HTR7: variants seen among roughly 807,000 people sequenced by gnomAD.
The protein encoded by HTR7 is 5-HT-7.
Under a neutral mutation model 34.0 loss-of-function variants are expected in HTR7, and 16 were observed. The ratio of observed to expected loss-of-function variants is 0.47; its 90% confidence interval spans 0.32 to 0.71. The LOEUF (loss-of-function observed/expected upper bound fraction) is 0.71, where lower values mean the gene tolerates loss of function less well. Among genes scored for constraint, HTR7 ranks in the 30% least tolerant of loss-of-function variants. The pLI is 0.04. For missense variants in HTR7, 504 were observed against 625.5 expected, an observed-to-expected ratio of 0.81 and a Z score of 2.07; for synonymous variants, 265 against 260.2, an observed-to-expected ratio of 1.02 and a Z score of -0.18.
intron 1 of HTR7, among the ~76,000 whole-genome samples, chr10:90,751,475 C>G (rs901697204): frequency 6.6e-6 from 1 of 152,112 alleles, no homozygotes; most frequent in African/African-American, 2.4e-5. Flanking sequence ...AGCATAAATG[C>G]CTGCTCTCAA....
intron 1 of HTR7, among the ~76,000 whole-genome samples, chr10:90,789,847 T>A (rs1845438205): frequency 6.6e-6 from 1 of 152,168 alleles, no homozygotes; most frequent in South Asian, 2.1e-4. Context: ...TATTATGTAA[T>A]CTCTTTATGC....
chr10:90,767,519 T>C (rs1845042861), intron 1 of HTR7, among the ~76,000 whole-genome samples: 1 of 152,172 alleles, frequency 6.6e-6, no homozygotes, highest in Admixed American at 6.5e-5. Flanking sequence ...GTGGACTAAA[T>C]ATGGCCATAT....
intron 1 of HTR7, among the ~76,000 whole-genome samples, chr10:90,799,888 A>T (rs1245438245): frequency 2.0e-5 from 3 of 152,230 alleles, no homozygotes. Context: ...TTTAAAAAAT[A>T]ACAGATGGGA....
At chr10:90,747,549 T>C (rs1197395843) in intron 2 of HTR7, among the ~76,000 whole-genome samples, 8 of 152,316 alleles carry the variant, frequency 5.3e-5, no homozygotes. Flanking sequence ...AGTTGTAAGA[T>C]AAAGGCAGTC....
At chr10:90,827,369 G>A (rs2120035111) in intron 1 of HTR7, among the ~76,000 whole-genome samples, 4 of 152,208 alleles carry the variant, frequency 2.6e-5, no homozygotes, top group Non-Finnish European at 5.9e-5. Flanking sequence ...AACAAAGTGA[G>A]ACCATGTCTC....
rs1000344260 is a variant in HTR7, at chr10:90,741,163, A to G, written c.*1319T>C. 1.3e-5 allele frequency: 2 copies of G among 152,544 alleles called. No individual in the cohort carries two copies. Among genetic ancestry groups the G allele is most frequent in the Admixed American group, 1.3e-4 (2 of 15,264 alleles). 9.4% of individuals were successfully genotyped at this position (152,544 alleles called of 1,614,324 possible). A position where few individuals can be genotyped will look rare whatever the true frequency, so the allele number is the denominator to read the frequency against. On this transcript the variant is annotated 3_prime_UTR_variant, in exon 4 of 4. Coordinates refer to ENST00000336152, the MANE Select transcript of HTR7 (RefSeq NM_019859.4). ...GCTTGCTTTATTGTAGGAAAATAATATTCTCTTTCAGTTCACTCTTATCAA... is the reference window on the plus strand; with the variant it reads ...GCTTGCTTTATTGTAGGAAAATAATGTTCTCTTTCAGTTCACTCTTATCAA...
At chr10:90,806,966 G>A (rs1428166230) in intron 1 of HTR7, among the ~76,000 whole-genome samples, 1 of 152,204 alleles carries the variant, frequency 6.6e-6, no homozygotes, top group Non-Finnish European at 1.5e-5. Context: ...TAATGTGAGG[G>A]AAGGGTAAAA....
intron 1 of HTR7, among the ~76,000 whole-genome samples, chr10:90,793,639 A>G (rs965921649): frequency 6.6e-6 from 1 of 152,050 alleles, no homozygotes; most frequent in Non-Finnish European, 1.5e-5. Flanking sequence ...CAGAACTAAT[A>G]GGATGGCTGT....
At chr10:90,854,701 C>G (rs1262068766) in intron 1 of HTR7, among the ~76,000 whole-genome samples, 1 of 152,152 alleles carries the variant, frequency 6.6e-6, no homozygotes, top group Non-Finnish European at 1.5e-5. Context: ...AGAAAAGCAT[C>G]CCGGTGTGAT....
At chr10:90,744,058 G>A (rs1217949388) in intron 2 of HTR7, 3 of 393,248 alleles carry the variant, frequency 7.6e-6, no homozygotes, top group Non-Finnish European at 9.9e-6. Context: ...GTAGAGCCAA[G>A]AAGGCAGAGC....
intron 1 of HTR7, among the ~76,000 whole-genome samples, chr10:90,768,338 T>C (rs896435641): frequency 6.6e-6 from 1 of 152,228 alleles, no homozygotes; most frequent in African/African-American, 2.4e-5. Flanking sequence ...GATCTTTCTT[T>C]TAATGTTATT....
intron 1 of HTR7, among the ~76,000 whole-genome samples, chr10:90,788,738 A>G (rs1035571240): frequency 6.6e-6 from 1 of 152,230 alleles, no homozygotes; most frequent in African/African-American, 2.4e-5. Context: ...AAGAAAAATA[A>G]AGGAGCATTT....
intron 1 of HTR7, among the ~76,000 whole-genome samples, chr10:90,793,537 A>AG (rs1241017116): frequency 4.3e-5 from 1 of 23,192 alleles, no homozygotes; most frequent in Admixed American, 3.2e-4. Context: ...AAGAAAGCTC[A>AG]AAAAAAAAAA....
At chr10:90,824,132 G>C (rs1194330882) in intron 1 of HTR7, among the ~76,000 whole-genome samples, 1 of 152,226 alleles carries the variant, frequency 6.6e-6, no homozygotes, top group Non-Finnish European at 1.5e-5. Flanking sequence ...TCCACTTAAG[G>C]AGAGGAGAGC....
chr10:90,773,036 C>T (rs1441275245), intron 1 of HTR7, among the ~76,000 whole-genome samples: 1 of 152,202 alleles, frequency 6.6e-6, no homozygotes, highest in East Asian at 1.9e-4. Context: ...CAAAGTATAT[C>T]CATACACATG....
chr10:90,837,905 A>G (rs1168342261), intron 1 of HTR7, among the ~76,000 whole-genome samples: 1 of 152,158 alleles, frequency 6.6e-6, no homozygotes, highest in African/African-American at 2.4e-5. Context: ...CACCAATTTG[A>G]TTATATTCCA....
intron 1 of HTR7, among the ~76,000 whole-genome samples, chr10:90,844,858 T>C (rs1426006798): frequency 6.7e-6 from 1 of 149,696 alleles, no homozygotes; most frequent in Non-Finnish European, 1.5e-5. Flanking sequence ...CAGGCCCATC[T>C]GGCATCAATT....
chr10:90,769,902 G>T (rs919573970), intron 1 of HTR7, among the ~76,000 whole-genome samples: 3 of 152,228 alleles, frequency 2.0e-5, no homozygotes, highest in Non-Finnish European at 4.4e-5. Context: ...ATTGACAGCA[G>T]CAGCAGGCAG....
chr10:90,838,038 A>G (rs1197439709), intron 1 of HTR7, among the ~76,000 whole-genome samples: 1 of 151,890 alleles, frequency 6.6e-6, no homozygotes, highest in Non-Finnish European at 1.5e-5. Context: ...TTATCCCTCA[A>G]AGCTTGGTGT....
Sources: gnomAD v4.1 joint callset for allele counts (sites outside exome capture counted in the v4.1 genomes callset) on GRCh38, gnomAD v4.1.1 for gene constraint, MANE v1.5 for transcripts, NCBI Gene and HGNC (gene_info 2026-07-23, HGNC 2026-07-21) for gene names.